Variants in PCDHA3 observed in about 807,000 individuals in gnomAD.
PCDHA3 encodes the protein protocadherin alpha-3.
In PCDHA3, 41 loss-of-function variants were observed where a neutral mutation model predicts 62.2. The observed-to-expected ratio is 0.66, with a 90% CI of 0.51 to 0.86. The LOEUF (loss-of-function observed/expected upper bound fraction) is 0.86. Among genes scored for constraint, PCDHA3 ranks in the 40% least tolerant of loss-of-function variants. The pLI, the probability that PCDHA3 is intolerant of heterozygous loss-of-function variation, is 0.00. For synonymous variants in PCDHA3, 640 were observed against 555.4 expected (o/e 1.15, Z -2.14); for missense variants, 1,304 against 1,241.2 (o/e 1.05, Z -0.76).
intron 1 of PCDHA3, chr5:140,868,381 A>C (rs1554161945): frequency 2.0e-5 from 3 of 152,316 alleles, no homozygotes; most frequent in Non-Finnish European, 4.4e-5. Flanking sequence ...GTAAAGAATG[A>C]GAACTATAGA....
chr5:140,939,054 G>C (rs1304220594), intron 1 of PCDHA3, among the ~76,000 whole-genome samples: 1 of 152,112 alleles, frequency 6.6e-6, no homozygotes, highest in East Asian at 1.9e-4. Flanking sequence ...GTCCATTTGG[G>C]CTGCTATATC....
rs371505360 is a variant in PCDHA3, at chr5:140,882,840, C to T, written c.2394+79249C>T. 3.2e-5 allele frequency: 51 copies of T among 1,614,214 alleles called. 1 individual carries two copies. The African/African-American group carries it at 5.6e-4, about 18-fold the overall frequency. ...CAAAACAGTCTTGAGCAAATGTCTTCATTATCACTTGTACTGAGGAAAACA... is the reference window on the plus strand; with the variant it reads ...CAAAACAGTCTTGAGCAAATGTCTTTATTATCACTTGTACTGAGGAAAACA... On this transcript the variant is annotated intron_variant, in intron 1 of 3. Transcript: ENST00000522353.
chr5:140,891,230 T>G (rs1192105465), intron 1 of PCDHA3, among the ~76,000 whole-genome samples: 1 of 152,232 alleles, frequency 6.6e-6, no homozygotes, highest in Non-Finnish European at 1.5e-5. Flanking sequence ...AATCATCCTG[T>G]TCTGGATTCA....
chr5:140,834,509 C>T (rs1773064417), intron 1 of PCDHA3: 2 of 1,614,012 alleles, frequency 1.2e-6, no homozygotes, highest in Admixed American at 1.7e-5. Flanking sequence ...CTAAACATGG[C>T]AACTTCGTGG....
chr5:140,926,783 C>G lies in PCDHA3; in HGVS notation c.2395-52166C>G, dbSNP rs1230665699. 5.0e-6 allele frequency: 7 copies of G among 1,410,188 alleles called. No homozygotes were observed. The African/African-American group carries it at 7.3e-5, about 15-fold the overall frequency. The allele number at this position is 1,410,188 out of a possible 1,614,324, so 87.4% of individuals were successfully genotyped here. On this transcript the variant is annotated intron_variant, in intron 1 of 3. Transcript: ENST00000522353. The stretch of plus-strand genomic sequence containing the variant: ...GTATCCAGCCCGCAGCAGTGACGGC[C>G]GGCAGGAGCGTGCTCTTCCCCGCGG...
intron 1 of PCDHA3, among the ~76,000 whole-genome samples, chr5:140,827,152 T>C (rs1769202163): frequency 6.6e-6 from 1 of 152,170 alleles, no homozygotes; most frequent in Non-Finnish European, 1.5e-5. Context: ...GATGCAGATA[T>C]GGATTTGTAA....
chr5:140,877,969 A>G (rs2057419330), intron 1 of PCDHA3: 1 of 1,276,842 alleles, frequency 7.8e-7, no homozygotes, highest in African/African-American at 1.5e-5. Flanking sequence ...TTTCTTGGTC[A>G]TTCTTACTCA....
chr5:140,875,422 AG>A (rs1554167622), intron 1 of PCDHA3: 1 of 1,524,010 alleles, frequency 6.6e-7, no homozygotes, highest in Non-Finnish European at 8.8e-7. Context: ...ACCTCAGGCA[AG>A]CGATCCCTTA....
At chr5:140,917,245 G>A (rs2077971406) in intron 1 of PCDHA3, among the ~76,000 whole-genome samples, 1 of 149,588 alleles carries the variant, frequency 6.7e-6, no homozygotes, top group Non-Finnish European at 1.5e-5. Context: ...TAGGTACTAC[G>A]ATTGCTCACC....
chr5:140,927,357 C>A, intron 1 of PCDHA3: 1 of 1,614,052 alleles, frequency 6.2e-7, no homozygotes, highest in South Asian at 1.1e-5. Context: ...ACGAGGGAAG[C>A]AATGGGATAC....
Position 140,823,614 on chromosome 5 carries a change from G to T in PCDHA3, c.2394+20023G>T, listed in dbSNP as rs2150127435. ...GGCTTTCGTATGAGCTGCAGCCAGC[G>T]CCTGGCAGTGCGCGCATCCCGTTCC... On this transcript the variant is annotated intron_variant, in intron 1 of 3. Coordinates refer to ENST00000522353, the MANE Select transcript of PCDHA3 (RefSeq NM_018906.3). 4 of 1,614,046 alleles carry T rather than the reference G, an allele frequency of 2.5e-6. No individual in the cohort carries two copies. The East Asian group carries it at 6.7e-5, about 27-fold the overall frequency.
chr5:140,856,721 G>A (rs1043107454), intron 1 of PCDHA3: 7 of 1,596,646 alleles, frequency 4.4e-6, no homozygotes, highest in South Asian at 1.1e-5. Context: ...TACCGGATCT[G>A]TTTCTCTGCT....
At chr5:140,958,069 A>C (rs2095407625) in intron 1 of PCDHA3, among the ~76,000 whole-genome samples, 1 of 152,104 alleles carries the variant, frequency 6.6e-6, no homozygotes. Flanking sequence ...AAAAACACAG[A>C]AGCAAAAAGT....
At chr5:140,965,143 G>A (rs1451263269) in intron 1 of PCDHA3, among the ~76,000 whole-genome samples, 1 of 152,230 alleles carries the variant, frequency 6.6e-6, no homozygotes, top group Admixed American at 6.5e-5. Context: ...AGAATACTGG[G>A]AGATGAAGAG....
intron 1 of PCDHA3, among the ~76,000 whole-genome samples, chr5:140,975,536 A>G (rs957684886): frequency 2.0e-5 from 3 of 152,226 alleles, no homozygotes; most frequent in Admixed American, 1.3e-4. Flanking sequence ...TATTCTTAAT[A>G]CAGTCCTATT....
At chr5:140,964,548 G>C (rs1468417797) in intron 1 of PCDHA3, among the ~76,000 whole-genome samples, 1 of 152,102 alleles carries the variant, frequency 6.6e-6, no homozygotes, top group East Asian at 1.9e-4. Context: ...AGATGGCAGC[G>C]ACTTGGAGGG....
intron 3 of PCDHA3, among the ~76,000 whole-genome samples, chr5:141,002,340 TTC>T (rs1554258614): frequency 5.3e-4 from 81 of 152,342 alleles, no homozygotes; most frequent in African/African-American, 1.9e-3. Flanking sequence ...TCCGCACCCC[TTC>T]CCCCACCTCC....
chr5:140,926,533 A>G (rs957359754), intron 1 of PCDHA3: 23 of 211,100 alleles, frequency 1.1e-4, no homozygotes, highest in East Asian at 3.3e-4. Context: ...GCCCGCAGCC[A>G]GCGTGGTGGT....
At chr5:140,978,770 A>G in intron 1 of PCDHA3, 179 bp from the exon 2 acceptor site, 3 of 956,466 alleles carry the variant, frequency 3.1e-6, no homozygotes, top group Non-Finnish European at 2.5e-6. Context: ...CTGATGAACT[A>G]ATTTTCTTCT....
Sources: allele counts gnomAD v4.1 joint callset (sites outside exome capture counted in the v4.1 genomes callset), GRCh38; gene constraint gnomAD v4.1.1; transcripts MANE v1.5; gene names NCBI Gene and HGNC (gene_info 2026-07-23, HGNC 2026-07-21).